CLIP1: variants seen among roughly 807,000 people sequenced by gnomAD.
CLIP1 encodes CAP-Gly domain containing linker protein 1.
A neutral mutation model predicts 161.6 loss-of-function variants in CLIP1; 66 were observed. The ratio of observed to expected loss-of-function variants is 0.41; its 90% CI spans 0.33 to 0.50. The LOEUF is 0.50. Among genes scored for constraint, CLIP1 ranks in the 20% least tolerant of loss-of-function variants. CLIP1 has a pLI of 0.27. For synonymous variants in CLIP1, 598 were observed against 626.2 expected (o/e 0.96, Z 0.67); for missense variants, 1,376 against 1,702.0 (o/e 0.81, Z 3.37).
chr12:122,367,863 T>C (rs1328822911), intron 3 of CLIP1, among the ~76,000 whole-genome samples: 1 of 151,984 alleles, frequency 6.6e-6, no homozygotes, highest in Admixed American at 6.6e-5. Flanking sequence ...TACAAAAATT[T>C]AAAAATTAGC....
chr12:122,372,035 A>G (rs1225061669), intron 3 of CLIP1, among the ~76,000 whole-genome samples: 1 of 152,126 alleles, frequency 6.6e-6, no homozygotes, highest in East Asian at 1.9e-4. Context: ...TAATCCCAGA[A>G]CTTTGGGAGG....
chr12:122,340,430 C>T (rs1952447684), intron 11 of CLIP1, among the ~76,000 whole-genome samples: 1 of 152,164 alleles, frequency 6.6e-6, no homozygotes, highest in Non-Finnish European at 1.5e-5. Flanking sequence ...AGTGTTAGGG[C>T]ATTCTTTATT....
intron 1 of CLIP1, among the ~76,000 whole-genome samples, chr12:122,421,772 G>T (rs907306236): frequency 6.6e-6 from 1 of 152,204 alleles, no homozygotes; most frequent in Non-Finnish European, 1.5e-5. Context: ...ATCAAAACCC[G>T]ATTTTTGAAA....
At position 122,386,061 on chromosome 12, in the gene CLIP1, G is replaced by A. The variant is rs568303622; in HGVS notation, c.-106-5503C>T. Among the ~76,000 whole-genome samples, 5 of 152,206 alleles carry A rather than the reference G, an allele frequency of 3.3e-5. No individual in the cohort carries two copies. In the South Asian group the frequency reaches 8.3e-4, roughly 25 times the overall value. On this transcript the variant is annotated intron_variant, in intron 1 of 25. Transcript: ENST00000620786. ...AGCACTTTTGGAGGCCAAGGCAGGC[G>A]GTTCACCTGAGGTCAGGAGTTCGAG...
intron 3 of CLIP1, among the ~76,000 whole-genome samples, chr12:122,369,300 A>T (rs887595837): frequency 2.6e-5 from 4 of 151,982 alleles, no homozygotes; most frequent in African/African-American, 9.7e-5. Flanking sequence ...AGGATTACAG[A>T]CGTGAGCCAC....
chr12:122,273,077 T>G lies in CLIP1; in HGVS notation c.4115A>C (p.Lys1372Thr), dbSNP rs1201720123. 6.2e-7 allele frequency: 1 copy of G among 1,614,142 alleles called. No individual in the cohort carries two copies. Among genetic ancestry groups the G allele is most frequent in the South Asian group, 1.1e-5 (1 of 91,080 alleles). Residue 1372 changes from lysine (K) to threonine (T), a missense_variant, in exon 26 of 26, where the codon AAG becomes ACG. By Grantham distance (78) the Lys-to-Thr change is moderately conservative (BLOSUM62 -1). Transcript: ENST00000620786. The stretch of plus-strand genomic sequence containing the variant: ...GTCACAGAAGAGGCGAGGTTTCTTC[T>G]TGGACTGTTTCTCCTGATCATCACT... ...YDSDDQEKQSKKKPRLFCDIC... is the reference protein window; with the variant it reads ...YDSDDQEKQSTKKPRLFCDIC...
At chr12:122,377,263 C>A in intron 3 of CLIP1, 126 bp downstream of exon 3, 1 of 819,644 alleles carries the variant, frequency 1.2e-6, no homozygotes, top group Non-Finnish European at 1.9e-6. Context: ...CCGCCTCAGC[C>A]TCCCAAAGTG....
At chr12:122,369,762 A>C (rs1360267862) in intron 3 of CLIP1, among the ~76,000 whole-genome samples, 1 of 151,816 alleles carries the variant, frequency 6.6e-6, no homozygotes, top group Non-Finnish European at 1.5e-5. Context: ...ATGCCTGAGG[A>C]GGTAACACTT....
In CLIP1 at chr12:122,328,370, A is replaced by C; in HGVS notation, c.2924T>G (p.Leu975Arg). The change falls in exon 16 of 26, where the codon CTG becomes CGG. Residue 975 changes from leucine to arginine, a missense_variant. This residue lies in a region of CLIP1 where 948 missense variants were observed against 1,134.8 expected (regional missense o/e 0.84). Transcript: ENST00000620786. ...LTKANENASF[L>R]QKSIEDMTVK... is the part of the protein sequence containing the mutation. ...AGTCATGTCCTCAATACTTTTTTGC[A>C]GAAAACTTGCATTTTCATTAGCCTT... 1 of 1,612,652 alleles carries C rather than the reference A, an allele frequency of 6.2e-7. No individual in the cohort carries two copies. Among genetic ancestry groups the C allele is most frequent in the Admixed American group, 1.7e-5 (1 of 59,790 alleles).
chr12:122,406,863 T>G (rs1264142143), intron 1 of CLIP1, among the ~76,000 whole-genome samples: 1 of 151,206 alleles, frequency 6.6e-6, no homozygotes. Context: ...TCAGTCTGAG[T>G]GCAGATTTAT....
At chr12:122,307,608 T>C (rs1295925833) in intron 20 of CLIP1, among the ~76,000 whole-genome samples, 1 of 152,208 alleles carries the variant, frequency 6.6e-6, no homozygotes, top group Non-Finnish European at 1.5e-5. Context: ...GTAATACATT[T>C]CTAACACAGC....
In CLIP1 at chr12:122,354,556, G is replaced by A; in HGVS notation, c.1204C>T (p.His402Tyr). 1 of 1,611,398 alleles carries A rather than the reference G, an allele frequency of 6.2e-7. No individual in the cohort carries two copies. Reference sequence around the variant, plus strand: ...ATTTTGGCTTCCAATTCCAGGACATGCTGGGGAAGGCAAGAATGTCGGTAA... The same window carrying A: ...ATTTTGGCTTCCAATTCCAGGACATACTGGGGAAGGCAAGAATGTCGGTAA... ...LALARDGHDQ[H>Y]VLELEAKMDQ... The change falls in exon 7 of 26, where the codon CAT (histidine) becomes TAT (tyrosine). Residue 402 changes from histidine to tyrosine, a missense_variant and splice_region_variant. Physicochemically the swap from His to Tyr is moderately conservative, Grantham distance 83. This residue lies in a region of CLIP1 where 211 missense variants were observed against 295.1 expected (regional missense o/e 0.72). Transcript: ENST00000620786.
At chr12:122,273,332 C>T (rs184178180) in intron 25 of CLIP1, among the ~76,000 whole-genome samples, 295 of 152,284 alleles carry the variant, frequency 1.9e-3, no homozygotes, top group South Asian at 4.3e-3. Context: ...TTACTGCAAT[C>T]TCCACCTCCT....
intron 1 of CLIP1, among the ~76,000 whole-genome samples, chr12:122,419,997 G>A (rs574238151): frequency 6.6e-6 from 1 of 151,226 alleles, no homozygotes; most frequent in Non-Finnish European, 1.5e-5. Flanking sequence ...GAGTCACATG[G>A]GATGTGACAG....
chr12:122,286,854 C>T (rs1026301889), intron 21 of CLIP1, among the ~76,000 whole-genome samples: 9 of 152,074 alleles, frequency 5.9e-5, no homozygotes, highest in African/African-American at 1.2e-4. Flanking sequence ...AAAATTTAGC[C>T]GGGTGTGGTG....
chr12:122,362,968 G>A (rs974704509), intron 4 of CLIP1, among the ~76,000 whole-genome samples: 1 of 152,062 alleles, frequency 6.6e-6, no homozygotes, highest in Non-Finnish European at 1.5e-5. Context: ...ACTGTATCTG[G>A]TAGATAAAGC....
At chr12:122,318,369 C>T (rs1248108403) in intron 18 of CLIP1, among the ~76,000 whole-genome samples, 1 of 152,130 alleles carries the variant, frequency 6.6e-6, no homozygotes, top group Non-Finnish European at 1.5e-5. Flanking sequence ...TCCGTCCCTA[C>T]TTAAAATACA....
chr12:122,382,438 G>A (rs1955050041), intron 1 of CLIP1, among the ~76,000 whole-genome samples: 2 of 151,746 alleles, frequency 1.3e-5, no homozygotes, highest in African/African-American at 4.8e-5. Context: ...TGAGGCACGA[G>A]AATCCCTTGA....
At position 122,383,172 on chromosome 12, in the gene CLIP1, G is replaced by A. The variant is rs546145466; in HGVS notation, c.-106-2614C>T. Among the ~76,000 whole-genome samples the A allele has an allele frequency of 5.9e-5, 9 of 152,312 alleles. No homozygotes were observed. The East Asian group carries it at 1.7e-3, about 29-fold the overall frequency. On this transcript the variant is annotated intron_variant, in intron 1 of 25. Transcript: ENST00000620786. ...TCACCCTGGGCCAACCTCATAGAGT[G>A]ACAAGGGCCAGGTAGAACTGACAGA...
Sources: allele counts gnomAD v4.1 joint callset (sites outside exome capture counted in the v4.1 genomes callset), GRCh38; gene constraint gnomAD v4.1.1; regional missense constraint gnomAD v4.1.1; transcripts MANE v1.5; gene names NCBI Gene and HGNC (gene_info 2026-07-23, HGNC 2026-07-21).